NLGN1: variants seen among roughly 807,000 people sequenced by gnomAD.
NLGN1 encodes neuroligin 1.
In NLGN1, 12 loss-of-function variants were observed where a neutral mutation model predicts 65.5. The observed-to-expected ratio is 0.18, with a 90% confidence interval of 0.12 to 0.30. The LOEUF is 0.30. Ranked by LOEUF, NLGN1 falls within the 10% of genes least tolerant of loss-of-function variation. NLGN1 has a pLI of 1.00. For missense variants in NLGN1, 750 were observed against 1,007.1 expected, an observed-to-expected ratio of 0.74 and a Z score of 3.46; for synonymous variants, 350 against 359.5, an observed-to-expected ratio of 0.97 and a Z score of 0.30.
At chr3:173,736,299 G>A (rs73050412) in intron 3 of NLGN1, among the ~76,000 whole-genome samples, 11 of 152,048 alleles carry the variant, frequency 7.2e-5, no homozygotes, top group African/African-American at 2.7e-4. Flanking sequence ...ATTTCTGTGC[G>A]TAAGAAAGGA....
At chr3:173,899,831 A>G (rs1737004102) in intron 4 of NLGN1, among the ~76,000 whole-genome samples, 1 of 152,038 alleles carries the variant, frequency 6.6e-6, no homozygotes. Context: ...ACTTATTTTT[A>G]ATTTGGATGT....
chr3:173,555,805 A>G (rs894131744), intron 2 of NLGN1, among the ~76,000 whole-genome samples: 1 of 152,288 alleles, frequency 6.6e-6, no homozygotes, highest in South Asian at 2.1e-4. Context: ...TGATATCAGG[A>G]TTATACATAA....
intron 1 of NLGN1, among the ~76,000 whole-genome samples, chr3:173,424,179 T>G (rs879395409): frequency 7.2e-5 from 11 of 152,194 alleles, no homozygotes; most frequent in Admixed American, 7.2e-4. Context: ...CACTAAGTTC[T>G]GAAGCTGCAC....
At chr3:173,750,613 G>T (rs1776183176) in intron 3 of NLGN1, among the ~76,000 whole-genome samples, 11 of 152,090 alleles carry the variant, frequency 7.2e-5, no homozygotes, top group Admixed American at 7.2e-4. Flanking sequence ...TGTCTATTGA[G>T]AATTCAGAAT....
At chr3:173,990,272 C>T (rs1316944299) in intron 4 of NLGN1, among the ~76,000 whole-genome samples, 11 of 152,134 alleles carry the variant, frequency 7.2e-5, no homozygotes, top group African/African-American at 2.2e-4. Context: ...TCACCATTTT[C>T]CCCATGTACT....
chr3:174,131,333 A>C (rs913711239), intron 4 of NLGN1, among the ~76,000 whole-genome samples: 1 of 152,168 alleles, frequency 6.6e-6, no homozygotes, highest in Non-Finnish European at 1.5e-5. Context: ...AATGATTTGT[A>C]TAAACGTTTT....
chr3:173,978,876 A>G (rs541425185), intron 4 of NLGN1, among the ~76,000 whole-genome samples: 1 of 151,076 alleles, frequency 6.6e-6, no homozygotes, highest in Non-Finnish European at 1.5e-5. Context: ...CTTGTGGCAG[A>G]CATCTGTAAT....
rs906617115 is a variant in NLGN1 at position 173,647,189 on chromosome 3, TAAATC to T, written c.493+42102_493+42106del. ...TCTAATAATAGAGCTTCAAAATACA[TAAATC>T]AAAACCTGATCAAACTTCAAGGAGA... On this transcript the variant is annotated intron_variant, in intron 3 of 6. Transcript: ENST00000457714. 2.4e-4 allele frequency among the ~76,000 whole-genome samples: 36 copies of T among 152,212 alleles called. No individual in the cohort carries two copies. The Middle Eastern group carries it at 0.014, about 58-fold the overall frequency.
At chr3:173,529,264 T>C (rs1051911879) in intron 2 of NLGN1, among the ~76,000 whole-genome samples, 2 of 152,146 alleles carry the variant, frequency 1.3e-5, no homozygotes, top group African/African-American at 4.8e-5. Flanking sequence ...GGCCAGTAGG[T>C]GGCACTTCCG....
At chr3:174,124,663 G>A (rs1718554271) in intron 4 of NLGN1, among the ~76,000 whole-genome samples, 2 of 146,498 alleles carry the variant, frequency 1.4e-5, no homozygotes, top group Admixed American at 6.9e-5. Context: ...TTATATATAT[G>A]TATATGTGTA....
chr3:173,647,175 A>G (rs1758400757), intron 3 of NLGN1, among the ~76,000 whole-genome samples: 1 of 152,130 alleles, frequency 6.6e-6, no homozygotes, highest in Non-Finnish European at 1.5e-5. Context: ...CTAATAATAG[A>G]GCTTCAAAAT....
chr3:174,029,594 A>G (rs1222261223), intron 4 of NLGN1, among the ~76,000 whole-genome samples: 2 of 152,256 alleles, frequency 1.3e-5, no homozygotes, highest in Middle Eastern at 3.4e-3. Context: ...TTGGGAAGGC[A>G]TACTTGGTTT....
At chr3:173,703,518 G>A (rs1256125199) in intron 3 of NLGN1, among the ~76,000 whole-genome samples, 4 of 151,958 alleles carry the variant, frequency 2.6e-5, no homozygotes, top group Admixed American at 6.6e-5. Flanking sequence ...GTGTTTTTAA[G>A]TCCTATAAAT....
At chr3:174,232,628 A>G (rs1740937568) in intron 4 of NLGN1, among the ~76,000 whole-genome samples, 1 of 152,246 alleles carries the variant, frequency 6.6e-6, no homozygotes. Flanking sequence ...ATGTAGGCTC[A>G]TAATGTGGCC....
At chr3:173,464,537 G>A (rs1723981903) in intron 2 of NLGN1, among the ~76,000 whole-genome samples, 1 of 150,098 alleles carries the variant, frequency 6.7e-6, no homozygotes, top group African/African-American at 2.5e-5. Flanking sequence ...CTGGGTTCAA[G>A]CGATTCTCCT....
rs1178925880 is a variant in NLGN1 at position 173,450,852 on chromosome 3, G to A, written c.-321+15774G>A. On this transcript the variant is annotated intron_variant, in intron 2 of 6. Transcript: ENST00000457714. Reference sequence around the variant, plus strand: ...GATACCCTTTCTTCCAGTTGATCGCGTCGGTTACTGAGGCTTGTGCATTCG... The same window carrying A: ...GATACCCTTTCTTCCAGTTGATCGCATCGGTTACTGAGGCTTGTGCATTCG... Among the ~76,000 whole-genome samples the A allele has an allele frequency of 3.9e-5, 6 of 151,950 alleles. No homozygotes were observed. The South Asian group carries it at 1.0e-3, about 26-fold the overall frequency.
At chr3:174,283,850 G>A (rs1222062887) in exon 7 of NLGN1, 1 of 151,358 alleles carries the variant, frequency 6.6e-6, no homozygotes, top group Non-Finnish European at 1.5e-5. Context: ...CTGAAGTATT[G>A]TTCAATTGGA....
At chr3:173,784,213 A>C (rs1306473977) in intron 3 of NLGN1, among the ~76,000 whole-genome samples, 1 of 152,212 alleles carries the variant, frequency 6.6e-6, no homozygotes, top group East Asian at 1.9e-4. Flanking sequence ...TTTAGATTAT[A>C]GAATAGATAT....
At chr3:173,559,263 C>T (rs962571955) in intron 2 of NLGN1, among the ~76,000 whole-genome samples, 1 of 152,172 alleles carries the variant, frequency 6.6e-6, no homozygotes, top group Admixed American at 6.5e-5. Context: ...ATTGATGGCC[C>T]AAACATTTGT....
Sources: gnomAD v4.1 joint callset for allele counts (sites outside exome capture counted in the v4.1 genomes callset) on GRCh38, gnomAD v4.1.1 for gene constraint, MANE v1.5 for transcripts, NCBI Gene and HGNC (gene_info 2026-07-23, HGNC 2026-07-21) for gene names.